Variants in RBFOX1 observed in about 807,000 individuals in gnomAD.
RBFOX1 encodes RNA binding fox-1 homolog 1.
RBFOX1 carries 8 observed loss-of-function variants against 57.7 expected under a neutral mutation model. The observed-to-expected ratio is 0.14, with a 90% CI of 0.08 to 0.25. RBFOX1 has a LOEUF of 0.25. Ranked by LOEUF, RBFOX1 falls within the 10% of genes least tolerant of loss-of-function variation. The pLI is 1.00. For synonymous variants in RBFOX1, 326 were observed against 222.4 expected, an observed-to-expected ratio of 1.47 and a Z score of -4.15; for missense variants, 611 against 548.5, an observed-to-expected ratio of 1.11 and a Z score of -1.14.
chr16:5,837,522 C>G (rs957907795), intron 3 of RBFOX1, among the ~76,000 whole-genome samples: 2 of 152,080 alleles, frequency 1.3e-5, no homozygotes, highest in Non-Finnish European at 2.9e-5. Flanking sequence ...CTCCCAACCC[C>G]ACTGGTTACC....
intron 1 of RBFOX1, among the ~76,000 whole-genome samples, chr16:6,210,348 A>AC (rs369339639): frequency 0.26 from 26,020 of 101,672 alleles, 4,279 homozygotes; most frequent in Non-Finnish European, 0.36. Flanking sequence ...AAAAAAACAA[A>AC]AAAAAAAAAC....
intron 1 of RBFOX1, among the ~76,000 whole-genome samples, chr16:5,276,644 A>G (rs900719994): frequency 2.0e-5 from 3 of 152,136 alleles, no homozygotes; most frequent in African/African-American, 4.8e-5. Context: ...TTAGCCGGGC[A>G]TGGTGGCGGT....
intron 1 of RBFOX1, among the ~76,000 whole-genome samples, chr16:5,292,943 C>G (rs1341837040): frequency 6.6e-6 from 1 of 151,998 alleles, no homozygotes; most frequent in East Asian, 1.9e-4. Flanking sequence ...TTTAAAAGCA[C>G]ATTTCTCTCA....
intron 3 of RBFOX1, among the ~76,000 whole-genome samples, chr16:6,706,077 C>T (rs990608082): frequency 6.6e-6 from 1 of 152,188 alleles, no homozygotes; most frequent in African/African-American, 2.4e-5. Flanking sequence ...GACCACCTTT[C>T]ACGCCTATTA....
intron 4 of RBFOX1, among the ~76,000 whole-genome samples, chr16:7,437,270 A>G (rs574565995): frequency 2.1e-5 from 3 of 140,986 alleles, no homozygotes; most frequent in African/African-American, 7.7e-5. Flanking sequence ...CCTTTCTGTT[A>G]TATTAAATTA....
At chr16:6,516,044 C>G (rs1444326630) in intron 2 of RBFOX1, among the ~76,000 whole-genome samples, 1 of 151,902 alleles carries the variant, frequency 6.6e-6, no homozygotes, top group East Asian at 1.9e-4. Flanking sequence ...TGCTCTGTAT[C>G]CCAGAGCAAT....
intron 3 of RBFOX1, among the ~76,000 whole-genome samples, chr16:5,781,316 CTTGACTCTA>C (rs1298229514): frequency 1.3e-5 from 2 of 152,180 alleles, no homozygotes; most frequent in South Asian, 2.1e-4. Flanking sequence ...GCCTCCTCCT[CTTGACTCTA>C]TTGACTCTAT....
intron 12 of RBFOX1, among the ~76,000 whole-genome samples, chr16:7,663,185 C>A (rs922558755): frequency 2.0e-5 from 3 of 152,184 alleles, no homozygotes; most frequent in African/African-American, 7.2e-5. Flanking sequence ...CCTTCTGACC[C>A]CCCAACCGAC....
At chr16:6,165,233 G>T (rs1231844574) in intron 1 of RBFOX1, among the ~76,000 whole-genome samples, 1 of 152,066 alleles carries the variant, frequency 6.6e-6, no homozygotes, top group Non-Finnish European at 1.5e-5. Flanking sequence ...TGAATGAAAG[G>T]CTTTACATAC....
At chr16:7,360,433 G>A (rs1021986744) in intron 4 of RBFOX1, among the ~76,000 whole-genome samples, 4 of 152,150 alleles carry the variant, frequency 2.6e-5, no homozygotes, top group Non-Finnish European at 5.9e-5. Context: ...GTGTGCACGT[G>A]TGTGAATATT....
intron 3 of RBFOX1, among the ~76,000 whole-genome samples, chr16:5,839,994 A>G (rs2056577220): frequency 6.6e-6 from 1 of 152,198 alleles, no homozygotes; most frequent in African/African-American, 2.4e-5. Flanking sequence ...GTCTGCCACA[A>G]GCATCTACTG....
chr16:5,275,296 G>T (rs2063114641), intron 1 of RBFOX1, among the ~76,000 whole-genome samples: 1 of 152,084 alleles, frequency 6.6e-6, no homozygotes, highest in Non-Finnish European at 1.5e-5. Flanking sequence ...ATTTCTTTGT[G>T]TTGGGAATAT....
intron 1 of RBFOX1, among the ~76,000 whole-genome samples, chr16:6,069,607 C>G (rs150861325): frequency 6.6e-6 from 1 of 152,248 alleles, no homozygotes; most frequent in African/African-American, 2.4e-5. Context: ...TCATATAAAC[C>G]TTCCGCAAAC....
intron 2 of RBFOX1, among the ~76,000 whole-genome samples, chr16:6,355,860 T>C (rs1246616638): frequency 1.3e-5 from 2 of 152,222 alleles, no homozygotes; most frequent in Admixed American, 1.3e-4. Context: ...GAAGTTGGTA[T>C]ATACAAAATG....
intron 4 of RBFOX1, among the ~76,000 whole-genome samples, chr16:7,506,367 G>A (rs1444562436): frequency 6.6e-6 from 1 of 152,072 alleles, no homozygotes; most frequent in African/African-American, 2.4e-5. Flanking sequence ...GTGTGAGCAT[G>A]AGCAAGTAAT....
intron 4 of RBFOX1, among the ~76,000 whole-genome samples, chr16:7,231,314 A>C (rs920715868): frequency 6.6e-6 from 1 of 152,156 alleles, no homozygotes; most frequent in South Asian, 2.1e-4. Flanking sequence ...ACCAATCAGA[A>C]TGAATCAGGA....
At chr16:5,473,729 G>A (rs1026151252) in intron 2 of RBFOX1, among the ~76,000 whole-genome samples, 1 of 148,830 alleles carries the variant, frequency 6.7e-6, no homozygotes, top group African/African-American at 2.5e-5. Context: ...ATGGATGGAT[G>A]GATGAATAGA....
intron 2 of RBFOX1, among the ~76,000 whole-genome samples, chr16:6,543,760 C>G (rs926152010): frequency 6.6e-6 from 1 of 152,036 alleles, no homozygotes; most frequent in Non-Finnish European, 1.5e-5. Flanking sequence ...GAATCTCTTT[C>G]TAAACACTTA....
intron 2 of RBFOX1, among the ~76,000 whole-genome samples, chr16:5,598,330 C>A (rs1194375731): frequency 6.6e-6 from 1 of 152,076 alleles, no homozygotes; most frequent in Non-Finnish European, 1.5e-5. Context: ...CCCCAGCATC[C>A]TCGGTCTGGG....
Sources: gnomAD v4.1 joint callset for allele counts (sites outside exome capture counted in the v4.1 genomes callset) on GRCh38, gnomAD v4.1.1 for gene constraint, MANE v1.5 for transcripts, NCBI Gene and HGNC (gene_info 2026-07-23, HGNC 2026-07-21) for gene names.